Variants in ARHGEF26 observed in about 807,000 individuals in gnomAD.
ARHGEF26 encodes Rho guanine nucleotide exchange factor 26, also known as Rho guanine nucleotide exchange factor (GEF) 26.
A neutral mutation model predicts 89.4 loss-of-function variants in ARHGEF26; 59 were observed. That is an observed-to-expected ratio of 0.66 (90% CI 0.54 to 0.82). ARHGEF26 has a LOEUF of 0.82. ARHGEF26 is among the 40% of genes least tolerant of loss of function. The probability of loss-of-function intolerance (pLI) is 0.00; values close to 1 mark genes in which losing one functional copy is unlikely to be tolerated. For synonymous variants in ARHGEF26, 500 were observed against 428.4 expected, an observed-to-expected ratio of 1.17 and a Z score of -2.06; for missense variants, 1,234 against 1,085.6, an observed-to-expected ratio of 1.14 and a Z score of -1.92.
In ARHGEF26 at chr3:154,224,732, C is replaced by A. The variant is rs1471162098; in HGVS notation, c.1936-1124C>A. ...GAACTTCATAAACTCCCTTAGCAGC[C>A]AGTTTTGAAAAGTTTGGGGTTAGCC... On this transcript the variant is annotated intron_variant, in intron 10 of 14. Coordinates refer to ENST00000465093, the MANE Select transcript of ARHGEF26 (RefSeq NM_015595.4). Among the ~76,000 whole-genome samples, 3 of 152,088 alleles carry A rather than the reference C, an allele frequency of 2.0e-5. No individual in the cohort carries two copies. In the East Asian group the frequency reaches 5.8e-4, roughly 29 times the overall value.
At chr3:154,161,395 A>G (rs1711656272) in intron 6 of ARHGEF26, among the ~76,000 whole-genome samples, 1 of 152,156 alleles carries the variant, frequency 6.6e-6, no homozygotes, top group Non-Finnish European at 1.5e-5. Context: ...AATAAGGATG[A>G]TAGTATACTT....
intron 9 of ARHGEF26, among the ~76,000 whole-genome samples, chr3:154,208,536 G>A (rs114931019): frequency 0.011 from 1,623 of 152,014 alleles, 23 homozygotes; most frequent in African/African-American, 0.037. Context: ...TTTCTACCCC[G>A]TCTCTTTCTC....
At chr3:154,162,762 C>A (rs998924786) in intron 6 of ARHGEF26, among the ~76,000 whole-genome samples, 1 of 152,000 alleles carries the variant, frequency 6.6e-6, no homozygotes, top group Non-Finnish European at 1.5e-5. Flanking sequence ...TACCTCGCCC[C>A]CTGAGCTGCC....
At chr3:154,151,849 G>C (rs4574249) in intron 5 of ARHGEF26, among the ~76,000 whole-genome samples, 21,889 of 152,140 alleles carry the variant, frequency 0.14, 1,868 homozygotes, top group East Asian at 0.36. Flanking sequence ...GACTTGAAGG[G>C]GTGGAGCCCT....
At chr3:154,166,940 G>A (rs1041733428) in intron 6 of ARHGEF26, among the ~76,000 whole-genome samples, 92 of 152,106 alleles carry the variant, frequency 6.0e-4, no homozygotes, top group African/African-American at 2.0e-3. Context: ...TTTTTAATAC[G>A]ATGATTGCCT....
chr3:154,231,899 GTT>G (rs142817601), intron 11 of ARHGEF26, among the ~76,000 whole-genome samples: 601 of 147,400 alleles, frequency 4.1e-3, no homozygotes, highest in Non-Finnish European at 6.5e-3. Flanking sequence ...TGTAGTAGCA[GTT>G]TTTTTTTTTT....
At chr3:154,152,042 A>C (rs1401022306) in intron 5 of ARHGEF26, among the ~76,000 whole-genome samples, 1 of 152,238 alleles carries the variant, frequency 6.6e-6, no homozygotes, top group Non-Finnish European at 1.5e-5. Flanking sequence ...GTATTTCATC[A>C]TTAACAGTTA....
chr3:154,141,283 A>C (rs1458338544), intron 4 of ARHGEF26, among the ~76,000 whole-genome samples: 5 of 152,162 alleles, frequency 3.3e-5, no homozygotes, highest in African/African-American at 1.2e-4. Flanking sequence ...TATTTTTGAA[A>C]GGATGTAGGC....
chr3:154,256,940 A>T lies in ARHGEF26; in HGVS notation c.*1467A>T. 3.9e-6 allele frequency: 6 copies of T among 1,534,154 alleles called. No individual in the cohort carries two copies. Among genetic ancestry groups the T allele is most frequent in the Non-Finnish European group, 5.2e-6 (6 of 1,146,282 alleles). ...AAGGATGGGAGATTAAGAGGGGGGA[A>T]ATGATTTTTACTGGCAGCTATATTC... is the stretch of plus-strand genomic sequence containing the variant. On this transcript the variant is annotated 3_prime_UTR_variant, in exon 15 of 15. Transcript: ENST00000465093.
At chr3:154,155,234 A>C (rs1250460469) in intron 6 of ARHGEF26, among the ~76,000 whole-genome samples, 1 of 152,072 alleles carries the variant, frequency 6.6e-6, no homozygotes, top group African/African-American at 2.4e-5. Context: ...GTAAAATATT[A>C]CTAAACTAAT....
chr3:154,220,184 A>T (rs1443549980), intron 10 of ARHGEF26, among the ~76,000 whole-genome samples: 1 of 152,206 alleles, frequency 6.6e-6, no homozygotes, highest in Non-Finnish European at 1.5e-5. Context: ...AGGTTCAATG[A>T]GGTTAAATGA....
rs759502710 is a variant in ARHGEF26, at chr3:154,129,752, G to A, written c.1269+33G>A. ...TTTATCTTCTTTTCTATCTGTGGTAGGAAAAAAACAAGTTTTGGAAATTAT... is the reference window on the plus strand; with the variant it reads ...TTTATCTTCTTTTCTATCTGTGGTAAGAAAAAAACAAGTTTTGGAAATTAT... On this transcript the variant is annotated intron_variant, in intron 4 of 14. Coordinates refer to ENST00000465093, the MANE Select transcript of ARHGEF26 (RefSeq NM_015595.4). 2.5e-6 allele frequency: 4 copies of A among 1,572,212 alleles called. No homozygotes were observed. In the East Asian group the frequency reaches 9.1e-5, roughly 36 times the overall value.
rs574373951 is a variant in ARHGEF26, at chr3:154,257,132, C to G, written c.*1659C>G. The G allele has an allele frequency of 8.4e-6, 7 of 838,078 alleles. No homozygotes were observed. Among genetic ancestry groups the G allele is most frequent in the Non-Finnish European group, 1.2e-5 (7 of 576,438 alleles). The allele number at this position is 838,078 out of a possible 1,614,324, so 51.9% of individuals were successfully genotyped here. ...GAGGGGTAAGTGTGCCTGGCTCACA[C>G]AGCCTGCACCCTGTCACCTCGGCAA... On this transcript the variant is annotated 3_prime_UTR_variant, in exon 15 of 15. Coordinates refer to ENST00000465093, the MANE Select transcript of ARHGEF26 (RefSeq NM_015595.4).
At chr3:154,224,878 C>T (rs879578539) in intron 10 of ARHGEF26, among the ~76,000 whole-genome samples, 10 of 152,176 alleles carry the variant, frequency 6.6e-5, no homozygotes, top group Admixed American at 5.2e-4. Context: ...TTAGCCTTCT[C>T]ATTTCCTCTC....
At chr3:154,171,510 G>C (rs1712437286) in intron 6 of ARHGEF26, among the ~76,000 whole-genome samples, 2 of 152,122 alleles carry the variant, frequency 1.3e-5, no homozygotes, top group Non-Finnish European at 2.9e-5. Context: ...TATCCTCTGT[G>C]TTCCACCTGT....
intron 9 of ARHGEF26, among the ~76,000 whole-genome samples, chr3:154,216,022 A>G (rs577196414): frequency 2.6e-5 from 4 of 152,342 alleles, no homozygotes; most frequent in African/African-American, 7.2e-5. Context: ...AACATAGGAA[A>G]AAAAGAGAAA....
chr3:154,147,278 G>T (rs553382678), intron 4 of ARHGEF26, among the ~76,000 whole-genome samples: 4 of 152,134 alleles, frequency 2.6e-5, no homozygotes, highest in Non-Finnish European at 5.9e-5. Flanking sequence ...TGTGGTGCAC[G>T]CCTATAATCT....
chr3:154,194,839 C>G lies in ARHGEF26; in HGVS notation c.1845+121C>G, dbSNP rs544014103. On this transcript the variant is annotated intron_variant, in intron 9 of 14. Coordinates refer to ENST00000465093, the MANE Select transcript of ARHGEF26 (RefSeq NM_015595.4). ...GTCTCACAGCCATTTGTACAGCGTT[C>G]TTTAGGTAGTTGCAAAACAAAATCA... 9 of 792,726 alleles carry G rather than the reference C, an allele frequency of 1.1e-5. No homozygotes were observed. In the East Asian group the frequency reaches 1.9e-4, roughly 17 times the overall value. 49.1% of individuals were successfully genotyped at this position (792,726 alleles called of 1,614,324 possible). A position where few individuals can be genotyped will look rare whatever the true frequency, so the allele number is the denominator to read the frequency against.
intron 4 of ARHGEF26, among the ~76,000 whole-genome samples, chr3:154,143,319 C>CT (rs1719499945): frequency 6.6e-6 from 1 of 152,106 alleles, no homozygotes; most frequent in Non-Finnish European, 1.5e-5. Context: ...AGTTTTGTCA[C>CT]TTTTTTCCCT....
Sources: allele counts gnomAD v4.1 joint callset (sites outside exome capture counted in the v4.1 genomes callset), GRCh38; gene constraint gnomAD v4.1.1; transcripts MANE v1.5; gene names NCBI Gene and HGNC (gene_info 2026-07-23, HGNC 2026-07-21).